The following ITGBL1 variants were observed in gnomAD, a reference collection of about 807,000 sequenced individuals.
ITGBL1 encodes the protein integrin beta-like protein 1.
In ITGBL1, 51 loss-of-function variants were observed where a neutral mutation model predicts 68.5. That is an observed-to-expected ratio of 0.74 (90% CI 0.59 to 0.94). ITGBL1 has a LOEUF of 0.94. Ranked by LOEUF, ITGBL1 falls within the 40% of genes least tolerant of loss-of-function variation. The pLI is 0.00. For synonymous variants in ITGBL1, 209 were observed against 227.3 expected (o/e 0.92, Z 0.72); for missense variants, 649 against 647.4 (o/e 1.00, Z -0.03).
At chr13:101,617,906 T>C (rs2031429445) in intron 7 of ITGBL1, among the ~76,000 whole-genome samples, 1 of 151,902 alleles carries the variant, frequency 6.6e-6, no homozygotes, top group African/African-American at 2.4e-5. Context: ...GTAGTAACAG[T>C]GGTTTGTTGA....
chr13:101,511,709 C>T (rs1594856620), intron 2 of ITGBL1, among the ~76,000 whole-genome samples: 1 of 152,062 alleles, frequency 6.6e-6, no homozygotes, highest in African/African-American at 2.4e-5. Context: ...CCACAAACAA[C>T]CTGTGGTTGC....
intron 7 of ITGBL1, among the ~76,000 whole-genome samples, chr13:101,686,923 T>C (rs1348484494): frequency 3.9e-5 from 6 of 152,172 alleles, no homozygotes; most frequent in African/African-American, 1.4e-4. Context: ...TATTTTGAGA[T>C]AGTTATATAG....
chr13:101,673,698 G>A (rs546796655), intron 7 of ITGBL1, among the ~76,000 whole-genome samples: 17 of 152,112 alleles, frequency 1.1e-4, no homozygotes, highest in African/African-American at 4.1e-4. Flanking sequence ...TATAAACTTT[G>A]TACTTATTGC....
rs2048198050 is a variant in ITGBL1, at chr13:101,453,850, ACCCGGCCTGCC to A, written c.99-32_99-22del. 2.4e-5 allele frequency: 30 copies of A among 1,226,918 alleles called. No individual in the cohort carries two copies. The East Asian group carries it at 9.9e-4, about 41-fold the overall frequency. The allele number at this position is 1,226,918 out of a possible 1,614,324, so 76.0% of individuals were successfully genotyped here. ...GAGCAGGGGGCGGCGTCCGCGTCTGACCCGGCCTGCCGGTTGCTTGTCGCCCGCGCAGGAGC... is the reference window on the plus strand; with the variant it reads ...GAGCAGGGGGCGGCGTCCGCGTCTGAGGTTGCTTGTCGCCCGCGCAGGAGC... On this transcript the variant is annotated intron_variant, in intron 1 of 10. Coordinates refer to ENST00000376180, the MANE Select transcript of ITGBL1 (RefSeq NM_004791.3).
intron 4 of ITGBL1, among the ~76,000 whole-genome samples, chr13:101,577,026 G>A (rs559315656): frequency 2.6e-5 from 4 of 151,440 alleles, no homozygotes; most frequent in African/African-American, 7.3e-5. Context: ...CAAAAGCAGA[G>A]TCTATTTGCA....
chr13:101,650,008 G>A (rs2032692083), intron 7 of ITGBL1, among the ~76,000 whole-genome samples: 1 of 152,140 alleles, frequency 6.6e-6, no homozygotes, highest in Non-Finnish European at 1.5e-5. Context: ...TAAAGTGTAA[G>A]ACACCTGAGA....
intron 2 of ITGBL1, among the ~76,000 whole-genome samples, chr13:101,555,129 T>C (rs373147139): frequency 4.6e-5 from 7 of 152,302 alleles, no homozygotes; most frequent in Admixed American, 3.3e-4. Context: ...AGTGACAATA[T>C]TAATATTGTG....
chr13:101,646,738 A>T (rs2032571161), intron 7 of ITGBL1, among the ~76,000 whole-genome samples: 1 of 152,154 alleles, frequency 6.6e-6, no homozygotes, highest in African/African-American at 2.4e-5. Flanking sequence ...AGAGAATTAA[A>T]TGGTTAAATA....
chr13:101,555,684 T>TTGTG lies in ITGBL1; in HGVS notation c.317-12005_317-12002dup, dbSNP rs35243452. On this transcript the variant is annotated intron_variant, in intron 2 of 10. Transcript: ENST00000376180. ...ATATATATGCATGTATTTAAGTGTT[T>TTGTG]TGTGTGTGTGTGTATGTTTTATATA... Among the ~76,000 whole-genome samples, 934 of 151,452 alleles carry TTGTG rather than the reference T, an allele frequency of 6.2e-3. 19 individuals carry two copies. The East Asian group carries it at 0.082, about 13-fold the overall frequency.
chr13:101,719,027 G>GT (rs1386574418), downstream of ITGBL1: 1 of 151,948 alleles, frequency 6.6e-6, no homozygotes, highest in Non-Finnish European at 1.5e-5. Flanking sequence ...ATATAGCCTT[G>GT]TTCTGAATTA....
chr13:101,490,017 A>C (rs1456931996), intron 2 of ITGBL1: 11 of 1,352,216 alleles, frequency 8.1e-6, no homozygotes, highest in Non-Finnish European at 1.1e-5. Context: ...AGTATTTTTC[A>C]TTAAATTTTA....
chr13:101,472,410 T>G (rs1261240523), intron 2 of ITGBL1, among the ~76,000 whole-genome samples: 3 of 152,188 alleles, frequency 2.0e-5, no homozygotes, highest in African/African-American at 7.2e-5. Context: ...TTACATTACT[T>G]TAATTTTCGT....
intron 7 of ITGBL1, among the ~76,000 whole-genome samples, chr13:101,662,481 C>T (rs1488371518): frequency 6.6e-6 from 1 of 152,102 alleles, no homozygotes; most frequent in African/African-American, 2.4e-5. Context: ...GCATGAAGGA[C>T]CTGCATGTCA....
chr13:101,635,334 T>A (rs2032135644), intron 7 of ITGBL1, among the ~76,000 whole-genome samples: 1 of 152,056 alleles, frequency 6.6e-6, no homozygotes, highest in South Asian at 2.1e-4. Context: ...ATGTTAAATA[T>A]CTGCATAATA....
intron 8 of ITGBL1, among the ~76,000 whole-genome samples, chr13:101,695,543 A>T (rs1436538340): frequency 6.6e-6 from 1 of 152,216 alleles, no homozygotes; most frequent in Non-Finnish European, 1.5e-5. Flanking sequence ...TGTCAGATGG[A>T]GTATGGATTG....
At position 101,521,198 on chromosome 13, in the gene ITGBL1, C is replaced by A. The variant is rs868844452; in HGVS notation, c.317-46501C>A. Among the ~76,000 whole-genome samples the A allele has an allele frequency of 1.7e-4, 26 of 152,258 alleles. No individual in the cohort carries two copies. In the Middle Eastern group the frequency reaches 0.01, roughly 60 times the overall value. On this transcript the variant is annotated intron_variant, in intron 2 of 10. Coordinates refer to ENST00000376180, the MANE Select transcript of ITGBL1 (RefSeq NM_004791.3). ...ATAATATTGGAAAGTTATTCCTCAT[C>A]CTTTTATTCACTCATTATTTCACTT...
chr13:101,554,329 T>C (rs972367), intron 2 of ITGBL1, among the ~76,000 whole-genome samples: 120,752 of 152,142 alleles, frequency 0.79, 47,954 homozygotes, highest in African/African-American at 0.83. Flanking sequence ...GGATTTTCCC[T>C]GGAGTCAAGA....
Position 101,622,459 on chromosome 13 carries a change from A to T in ITGBL1, c.1015+24160A>T, listed in dbSNP as rs373420541. ...GTAAGCCTGAAAAAAATGCAACCTC[A>T]CATGTAGCTGTGATCACATTTTCCT... On this transcript the variant is annotated intron_variant, in intron 7 of 10. Coordinates refer to ENST00000376180, the MANE Select transcript of ITGBL1 (RefSeq NM_004791.3). Among the ~76,000 whole-genome samples, 82 of 152,206 alleles carry T rather than the reference A, an allele frequency of 5.4e-4. 1 individual carries two copies. In the South Asian group the frequency reaches 0.016, roughly 30 times the overall value.
intron 7 of ITGBL1, among the ~76,000 whole-genome samples, chr13:101,604,887 T>TATATACACAC: frequency 5.9e-4 from 13 of 22,164 alleles, no homozygotes; most frequent in Admixed American, 2.4e-3. Context: ...TATATATATA[T>TATATACACAC]ACACACACAC....
Sources: gnomAD v4.1 joint callset for allele counts (sites outside exome capture counted in the v4.1 genomes callset) on GRCh38, gnomAD v4.1.1 for gene constraint, MANE v1.5 for transcripts, NCBI Gene and HGNC (gene_info 2026-07-23, HGNC 2026-07-21) for gene names.